CCDC69: variants seen among roughly 807,000 people sequenced by gnomAD.
The protein encoded by CCDC69 is coiled-coil domain containing 69, also known as coiled-coil domain-containing protein 69.
In CCDC69, 38 loss-of-function variants were observed where a neutral mutation model predicts 40.3. That is an observed-to-expected ratio of 0.94 (90% CI 0.73 to 1.24). CCDC69 has a LOEUF of 1.24. Among genes scored for constraint, CCDC69 ranks in the 50% most tolerant of loss-of-function variants. The probability of loss-of-function intolerance (pLI) is 0.00; values close to 1 mark genes in which losing one functional copy is unlikely to be tolerated. For missense variants in CCDC69, 389 were observed against 357.9 expected, an observed-to-expected ratio of 1.09 and a Z score of -0.70; for synonymous variants, 141 against 138.9, an observed-to-expected ratio of 1.02 and a Z score of -0.11.
intron 1 of CCDC69, among the ~76,000 whole-genome samples, chr5:151,214,828 C>CT: frequency 6.6e-6 from 1 of 152,320 alleles, no homozygotes; most frequent in Middle Eastern, 3.4e-3. Context: ...TTAAATACCC[C>CT]TGCACCTGGT....
chr5:151,186,216 G>C, intron 5 of CCDC69, 92 bp from the exon 6 acceptor site: 1 of 857,220 alleles, frequency 1.2e-6, no homozygotes, highest in East Asian at 2.4e-5. Context: ...AACGGTTTTG[G>C]GTTCTTCAAT....
intron 1 of CCDC69, among the ~76,000 whole-genome samples, chr5:151,217,110 G>C (rs1056381123): frequency 2.0e-5 from 3 of 152,232 alleles, no homozygotes; most frequent in African/African-American, 7.2e-5. Flanking sequence ...TCGAGGTGAT[G>C]AAACTCCAAA....
rs139929397 is a variant in CCDC69 at position 151,216,284 on chromosome 5, C to T, written c.48+7639G>A. ...AACTATTACTAATGATAAAAAAATG[C>T]ATAGGAAAAAGTACCTAGAAAAGCA... On this transcript the variant is annotated intron_variant, in intron 1 of 8. Transcript: ENST00000355417. 2.0e-3 allele frequency among the ~76,000 whole-genome samples: 299 copies of T among 151,402 alleles called. 1 individual carries two copies. Among genetic ancestry groups the T allele is most frequent in the African/African-American group, 6.7e-3 (276 of 41,242 alleles).
At chr5:151,197,454 C>T (rs761146812) in intron 4 of CCDC69, among the ~76,000 whole-genome samples, 7 of 152,018 alleles carry the variant, frequency 4.6e-5, no homozygotes, top group Non-Finnish European at 7.4e-5. Context: ...GCCCAAGAGG[C>T]GGAGGTTGAA....
intron 4 of CCDC69, among the ~76,000 whole-genome samples, chr5:151,193,493 G>A (rs759766526): frequency 5.9e-5 from 9 of 151,800 alleles, no homozygotes; most frequent in Non-Finnish European, 1.3e-4. Context: ...TCCAGCCTGG[G>A]CATCAGAGTG....
chr5:151,185,343 C>G (rs1391204759), intron 7 of CCDC69, 79 bp downstream of exon 7: 1 of 1,532,666 alleles, frequency 6.5e-7, no homozygotes, highest in Non-Finnish European at 8.9e-7. Flanking sequence ...AACCACCTCC[C>G]CTCTGCATGC....
chr5:151,192,111 G>GAAAAA (rs1752621799), intron 4 of CCDC69, among the ~76,000 whole-genome samples: 2 of 79,738 alleles, frequency 2.5e-5, no homozygotes, highest in African/African-American at 4.7e-5. Context: ...AAAAAAGAAT[G>GAAAAA]AAAAGAAATA....
rs539082763 is a variant in CCDC69, at chr5:151,210,239, G to C, written c.49-4764C>G. Among the ~76,000 whole-genome samples, 73 of 152,210 alleles carry C rather than the reference G, an allele frequency of 4.8e-4. 1 individual carries two copies. The highest frequency in any genetic ancestry group is 3.4e-3 in the Middle Eastern group (1 of 292). On this transcript the variant is annotated intron_variant, in intron 1 of 8. Transcript: ENST00000355417. ...CACTTTTTAATTTGCAGGTTAATTT[G>C]CTTTAATAAATATATTGATTTAGGC...
chr5:151,205,554 C>T, intron 1 of CCDC69, 79 bp from the exon 2 acceptor site: 1 of 1,192,646 alleles, frequency 8.4e-7, no homozygotes, highest in Non-Finnish European at 1.2e-6. Flanking sequence ...TAGTGGGACT[C>T]TTCCAAAGGC....
chr5:151,183,931 G>A (rs1359745549), intron 8 of CCDC69, among the ~76,000 whole-genome samples: 1 of 152,192 alleles, frequency 6.6e-6, no homozygotes, highest in Non-Finnish European at 1.5e-5. Context: ...ATAGGACCCA[G>A]CTCTTAGAGT....
chr5:151,201,621 G>T lies in CCDC69; in HGVS notation c.192C>A (p.Leu64=), dbSNP rs1561601737. The part of the protein sequence containing the change: ...ERHQKDITRI[L]QQHEEEKKKW... The stretch of plus-strand genomic sequence containing the variant: ...TCTTCTTTTCCTCCTCATGTTGCTG[G>T]AGAATTCTGGTTATATCCTTCTGGT... The change falls in exon 3 of 9, where the codon CTC becomes CTA. Residue 64 remains leucine, a synonymous_variant. Coordinates refer to ENST00000355417, the MANE Select transcript of CCDC69 (RefSeq NM_015621.3). 3 of 1,613,452 alleles carry T rather than the reference G, an allele frequency of 1.9e-6. No homozygotes were observed. The highest frequency in any genetic ancestry group is 8.5e-7 in the Non-Finnish European group (1 of 1,179,722).
intron 4 of CCDC69, among the ~76,000 whole-genome samples, chr5:151,196,487 T>TG (rs1271378154): frequency 6.6e-6 from 1 of 152,114 alleles, no homozygotes; most frequent in Non-Finnish European, 1.5e-5. Context: ...TAAATAATTC[T>TG]GGGGAAAGGC....
intron 1 of CCDC69, among the ~76,000 whole-genome samples, chr5:151,211,698 AT>A (rs1167721476): frequency 6.6e-6 from 1 of 151,678 alleles, no homozygotes; most frequent in Non-Finnish European, 1.5e-5. Context: ...TAATTTTTGT[AT>A]TTTTAGTAGA....
At position 151,181,209 on chromosome 5, in the gene CCDC69, G is replaced by GCTTT. The variant is rs1766619393; in HGVS notation, c.*2224_*2227dup. The GCTTT allele has an allele frequency of 6.6e-6, 1 of 152,128 alleles. No individual in the cohort carries two copies. The highest frequency in any genetic ancestry group is 1.5e-5 in the Non-Finnish European group (1 of 68,068). The allele number at this position is 152,128 out of a possible 1,614,324, so 9.4% of individuals were successfully genotyped here. A position where few individuals can be genotyped will look rare whatever the true frequency, so the allele number is the denominator to read the frequency against. ...CCCTGCCCCTCTCAATTAAAACAAT[G>GCTTT]CTTTCTTTTTTCTTTTCTTTTTTTT... On this transcript the variant is annotated 3_prime_UTR_variant, in exon 9 of 9. Transcript: ENST00000355417.
At chr5:151,194,189 T>C (rs1348150687) in intron 4 of CCDC69, among the ~76,000 whole-genome samples, 1 of 152,214 alleles carries the variant, frequency 6.6e-6, no homozygotes, top group Non-Finnish European at 1.5e-5. Context: ...ATATGACCTA[T>C]CCCACTCCTG....
chr5:151,200,141 G>A (rs761842346), intron 3 of CCDC69, among the ~76,000 whole-genome samples: 98 of 151,860 alleles, frequency 6.5e-4, no homozygotes, highest in South Asian at 2.5e-3. Context: ...TAACTACGGA[G>A]ACTTTTTTTT....
At chr5:151,221,332 G>A (rs1753131597) in intron 1 of CCDC69, among the ~76,000 whole-genome samples, 1 of 152,210 alleles carries the variant, frequency 6.6e-6, no homozygotes, top group South Asian at 2.1e-4. Flanking sequence ...CCCTCACGCT[G>A]TGCTTTCAGT....
chr5:151,221,211 G>T (rs153467), intron 1 of CCDC69, among the ~76,000 whole-genome samples: 117,121 of 151,986 alleles, frequency 0.77, 46,443 homozygotes, highest in East Asian at 1. Context: ...GAACCTGGAG[G>T]GACATGAGAA....
intron 1 of CCDC69, chr5:151,211,112 C>T (rs1157126558): frequency 6.6e-6 from 1 of 152,256 alleles, no homozygotes; most frequent in East Asian, 1.9e-4. Flanking sequence ...CCAACACAGG[C>T]ATCTGTATGT....
Sources: allele counts gnomAD v4.1 joint callset (sites outside exome capture counted in the v4.1 genomes callset), GRCh38; gene constraint gnomAD v4.1.1; transcripts MANE v1.5; gene names NCBI Gene and HGNC (gene_info 2026-07-23, HGNC 2026-07-21).